The following NCOR1 variants were observed in gnomAD, a reference collection of about 807,000 sequenced individuals.
The protein encoded by NCOR1 is nuclear receptor corepressor 1, also known as protein phosphatase 1, regulatory subunit 109.
In NCOR1, 63 loss-of-function variants were observed where a neutral mutation model predicts 288.1. The ratio of observed to expected loss-of-function variants is 0.22; its 90% CI spans 0.18 to 0.27. The LOEUF is 0.27. NCOR1 is among the 10% of genes least tolerant of loss of function. The pLI, the probability that NCOR1 is intolerant of heterozygous loss-of-function variation, is 1.00. For missense variants in NCOR1, 2,397 were observed against 3,019.2 expected (o/e 0.79, Z 4.83); for synonymous variants, 1,007 against 1,065.9 (o/e 0.94, Z 1.08).
rs1053021619 is a variant in NCOR1 at position 16,208,700 on chromosome 17, T to C, written c.-71+6662A>G. On this transcript the variant is annotated intron_variant, in intron 1 of 45. Transcript: ENST00000268712. ...ACCCTGTTTCTACAAAATAAAAAAA[T>C]TGACCAGGTGTGGTGGCACACACCT... Among the ~76,000 whole-genome samples, 4 of 152,058 alleles carry C rather than the reference T, an allele frequency of 2.6e-5. No homozygotes were observed. In the East Asian group the frequency reaches 5.8e-4, roughly 22 times the overall value.
intron 14 of NCOR1, among the ~76,000 whole-genome samples, chr17:16,126,453 G>A (rs180734025): frequency 1.2e-3 from 177 of 152,168 alleles, no homozygotes; most frequent in Admixed American, 2.4e-3. Flanking sequence ...AAAATGTTAA[G>A]ATTCTACTCG....
chr17:16,065,395 T>C lies in NCOR1; in HGVS notation c.4951+90A>G, dbSNP rs1598099495. 3.0e-6 allele frequency: 4 copies of C among 1,351,790 alleles called. No homozygotes were observed. In the East Asian group the frequency reaches 7.0e-5, roughly 24 times the overall value. The allele number at this position is 1,351,790 out of a possible 1,614,324, so 83.7% of individuals were successfully genotyped here. On this transcript the variant is annotated intron_variant, in intron 33 of 45. Transcript: ENST00000268712. Reference sequence around the variant, plus strand: ...GTATTCTTTTCTTTCTTTCTTTCCATCATTCATTCAACAAGTATTTACTGA... The same window carrying C: ...GTATTCTTTTCTTTCTTTCTTTCCACCATTCATTCAACAAGTATTTACTGA...
At position 16,061,789 on chromosome 17, in the gene NCOR1, T is replaced by A. The variant is rs2060569424; in HGVS notation, c.5493A>T (p.Ala1831=). Reference sequence around the variant, plus strand: ...TTGTTTTGGACACATCCATCTGGGGTGCAGAAGCTGCAGCATCCACAAGAG... The same window carrying A: ...TTGTTTTGGACACATCCATCTGGGGAGCAGAAGCTGCAGCATCCACAAGAG... ...LAALVDAAAS[A]PQMDVSKTKE... is the part of the protein sequence containing the mutation. Residue 1831 remains alanine (A), a synonymous_variant, in exon 37 of 46, where the codon GCA becomes GCT. Coordinates refer to ENST00000268712, the MANE Select transcript of NCOR1 (RefSeq NM_006311.4). The A allele has an allele frequency of 6.2e-7, 1 of 1,614,090 alleles. No homozygotes were observed. The highest frequency in any genetic ancestry group is 1.7e-5 in the Admixed American group (1 of 60,004).
intron 1 of NCOR1, among the ~76,000 whole-genome samples, chr17:16,206,545 C>T (rs1486037843): frequency 6.6e-6 from 1 of 152,182 alleles, no homozygotes; most frequent in Non-Finnish European, 1.5e-5. Flanking sequence ...GCCACCATGG[C>T]TGGCTAATTT....
At chr17:16,204,533 G>A (rs955090088) in intron 1 of NCOR1, among the ~76,000 whole-genome samples, 8 of 152,094 alleles carry the variant, frequency 5.3e-5, no homozygotes, top group African/African-American at 1.7e-4. Context: ...TATATCCTGC[G>A]ATATACAAGC....
intron 17 of NCOR1, among the ~76,000 whole-genome samples, chr17:16,118,528 G>C (rs1362709821): frequency 6.6e-6 from 1 of 151,862 alleles, no homozygotes; most frequent in Non-Finnish European, 1.5e-5. Flanking sequence ...AAAATCCTAT[G>C]GTAATACAAT....
Position 16,056,711 on chromosome 17 carries a change from T to C in NCOR1, c.6392+803A>G, listed in dbSNP as rs553460012. On this transcript the variant is annotated intron_variant, in intron 40 of 45. Coordinates refer to ENST00000268712, the MANE Select transcript of NCOR1 (RefSeq NM_006311.4). Reference sequence around the variant, plus strand: ...CTACCACTTTGAAGCAAGAATCCTGTGTCCACTTTATTTTAACCAAACACA... The same window carrying C: ...CTACCACTTTGAAGCAAGAATCCTGCGTCCACTTTATTTTAACCAAACACA... Among the ~76,000 whole-genome samples, 6 of 152,340 alleles carry C rather than the reference T, an allele frequency of 3.9e-5. No individual in the cohort carries two copies. In the East Asian group the frequency reaches 1.2e-3, roughly 29 times the overall value.
intron 42 of NCOR1, among the ~76,000 whole-genome samples, chr17:16,045,416 G>C (rs916718088): frequency 5.3e-5 from 8 of 151,952 alleles, no homozygotes; most frequent in South Asian, 2.1e-4. Flanking sequence ...GATTAAATGA[G>C]ACTATATCTA....
rs961363532 is a variant in NCOR1 at position 16,031,647 on chromosome 17, G to T, written c.*649C>A. On this transcript the variant is annotated 3_prime_UTR_variant, in exon 46 of 46. Transcript: ENST00000268712. Reference sequence around the variant, plus strand: ...TGCACTGGAAATTTACAATATGGCAGAATTTGTTACTTTTACCTTTTGACC... The same window carrying T: ...TGCACTGGAAATTTACAATATGGCATAATTTGTTACTTTTACCTTTTGACC... The T allele has an allele frequency of 4.4e-6, 1 of 226,392 alleles. No individual in the cohort carries two copies. The highest frequency in any genetic ancestry group is 8.8e-6 in the Non-Finnish European group (1 of 114,040). 14.0% of individuals were successfully genotyped at this position (226,392 alleles called of 1,614,324 possible).
chr17:16,045,222 AGTATGGAACT>A (rs1346722428), intron 42 of NCOR1, among the ~76,000 whole-genome samples: 1 of 152,204 alleles, frequency 6.6e-6, no homozygotes, highest in African/African-American at 2.4e-5. Flanking sequence ...AGATGCTATG[AGTATGGAACT>A]GTTAGAAGCC....
rs148161415 is a variant in NCOR1, at chr17:16,079,579, C to T, written c.3501+385G>A. On this transcript the variant is annotated intron_variant, in intron 26 of 45. Transcript: ENST00000268712. ...AGATTCTAACAAGGCAGCCCACATA[C>T]TGAGATTCTACAACTACATCTCCAC... Among the ~76,000 whole-genome samples, 387 of 152,340 alleles carry T rather than the reference C, an allele frequency of 2.5e-3. 1 individual carries two copies. Among genetic ancestry groups the T allele is most frequent in the Non-Finnish European group, 3.7e-3 (250 of 68,024 alleles).
intron 18 of NCOR1, among the ~76,000 whole-genome samples, chr17:16,115,850 C>T (rs1409673956): frequency 2.0e-5 from 3 of 152,186 alleles, no homozygotes; most frequent in African/African-American, 7.2e-5. Context: ...GCCTGTTACC[C>T]AGTTCCAAAG....
chr17:16,081,499 C>T (rs2063409974), intron 23 of NCOR1, among the ~76,000 whole-genome samples: 1 of 151,836 alleles, frequency 6.6e-6, no homozygotes, highest in South Asian at 2.1e-4. Flanking sequence ...GTGTTGAAAA[C>T]CAAAAGCACT....
intron 26 of NCOR1, among the ~76,000 whole-genome samples, chr17:16,078,315 G>C (rs1360169378): frequency 6.6e-6 from 1 of 152,178 alleles, no homozygotes; most frequent in Non-Finnish European, 1.5e-5. Context: ...ACACTTACTT[G>C]TCCAGTCATT....
chr17:16,039,642 G>A lies in NCOR1; in HGVS notation c.6746C>T (p.Ser2249Phe). Residue 2249 changes from serine (S) to phenylalanine (F), a missense_variant, in exon 44 of 46, where the codon TCT (serine) becomes TTT (phenylalanine). Transcript: ENST00000268712. ...PAVTTSGSVSSRGHSFADPAS... is the reference protein window; with the variant it reads ...PAVTTSGSVSFRGHSFADPAS... ...AGGATCAGCAAAAGAATGGCCTCTAGAGCTAACTGAGCCTGAAAGAGAATC... is the reference window on the plus strand; with the variant it reads ...AGGATCAGCAAAAGAATGGCCTCTAAAGCTAACTGAGCCTGAAAGAGAATC... 1 of 1,613,662 alleles carries A rather than the reference G, an allele frequency of 6.2e-7. No homozygotes were observed. Among genetic ancestry groups the A allele is most frequent in the Non-Finnish European group, 8.5e-7 (1 of 1,179,798 alleles).
Position 16,067,898 on chromosome 17 carries a change from A to T in NCOR1, c.4737T>A (p.Asp1579Glu). ...ATCACTATATTTTGTGTTTACCAGGATCCAAAGCCCTGTGAAAAGGCATGG... is the reference window on the plus strand; with the variant it reads ...ATCACTATATTTTGTGTTTACCAGGTTCCAAAGCCCTGTGAAAAGGCATGG... ...DPAMPFHRAL[D>E]PAAAAYLFQR... is the part of the protein sequence containing the mutation. Residue 1579 changes from aspartate to glutamate, a missense_variant, in exon 32 of 46, where the codon GAT becomes GAA. By Grantham distance (45) the Asp-to-Glu change is conservative. Transcript: ENST00000268712. 6.2e-7 allele frequency: 1 copy of T among 1,613,016 alleles called. No homozygotes were observed. Among genetic ancestry groups the T allele is most frequent in the Non-Finnish European group, 8.5e-7 (1 of 1,179,442 alleles).
chr17:16,041,667 A>G (rs1183202324), intron 42 of NCOR1, among the ~76,000 whole-genome samples: 3 of 152,052 alleles, frequency 2.0e-5, no homozygotes, highest in Non-Finnish European at 4.4e-5. Flanking sequence ...TACCCACCTC[A>G]GCCTCCTAAA....
chr17:16,037,239 C>A (rs942737410), intron 44 of NCOR1, among the ~76,000 whole-genome samples: 5 of 152,032 alleles, frequency 3.3e-5, no homozygotes, highest in African/African-American at 9.7e-5. Flanking sequence ...CAAACAATTA[C>A]AATAGTAATA....
intron 21 of NCOR1, among the ~76,000 whole-genome samples, chr17:16,098,100 C>T (rs528857700): frequency 3.3e-5 from 5 of 152,100 alleles, no homozygotes; most frequent in Non-Finnish European, 5.9e-5. Flanking sequence ...CAGTGGCAAG[C>T]GGCAGGAGGA....
Sources: allele counts gnomAD v4.1 joint callset (sites outside exome capture counted in the v4.1 genomes callset), GRCh38; gene constraint gnomAD v4.1.1; transcripts MANE v1.5; gene names NCBI Gene and HGNC (gene_info 2026-07-23, HGNC 2026-07-21).